SLC4A5: variants seen among roughly 807,000 people sequenced by gnomAD.
The protein encoded by SLC4A5 is electrogenic sodium bicarbonate cotransporter 4.
Under a neutral mutation model 120.4 loss-of-function variants are expected in SLC4A5, and 96 were observed. The observed-to-expected ratio is 0.80, with a 90% CI of 0.68 to 0.94. The LOEUF (loss-of-function observed/expected upper bound fraction) is 0.94. SLC4A5 is among the 40% of genes least tolerant of loss of function. The pLI, the probability that SLC4A5 is intolerant of heterozygous loss-of-function variation, is 0.00. For missense variants in SLC4A5, 1,259 were observed against 1,459.5 expected (o/e 0.86, Z 2.24); for synonymous variants, 550 against 571.1 (o/e 0.96, Z 0.53).
At chr2:74,283,403 G>C (rs1199898605) in intron 8 of SLC4A5, among the ~76,000 whole-genome samples, 1 of 152,244 alleles carries the variant, frequency 6.6e-6, no homozygotes, top group African/African-American at 2.4e-5. Context: ...ATCATAGGAA[G>C]AGATTCAATG....
At chr2:74,327,785 A>G (rs989980519) in intron 5 of SLC4A5, among the ~76,000 whole-genome samples, 3 of 152,158 alleles carry the variant, frequency 2.0e-5, no homozygotes, top group Non-Finnish European at 2.9e-5. Context: ...AAATTTACGT[A>G]CTAGAAGAGA....
intron 12 of SLC4A5, among the ~76,000 whole-genome samples, chr2:74,256,637 G>A (rs1670972923): frequency 6.6e-6 from 1 of 152,202 alleles, no homozygotes; most frequent in African/African-American, 2.4e-5. Context: ...GAGAGGTACT[G>A]GAGACAAGCC....
intron 7 of SLC4A5, among the ~76,000 whole-genome samples, chr2:74,298,277 G>A (rs994554188): frequency 1.3e-5 from 2 of 152,122 alleles, no homozygotes; most frequent in African/African-American, 4.8e-5. Flanking sequence ...ACACATACAT[G>A]GTCAACTAGT....
intron 30 of SLC4A5, 60 bp from the exon 31 acceptor site, chr2:74,218,852 A>G (rs1448008539): frequency 6.5e-6 from 1 of 152,682 alleles, no homozygotes; most frequent in African/African-American, 2.4e-5. Context: ...CCCATCCCCT[A>G]GAGCAGGGCT....
At chr2:74,252,129 G>T in intron 16 of SLC4A5, 50 bp downstream of exon 16, 13 of 1,579,492 alleles carry the variant, frequency 8.2e-6, no homozygotes, top group Admixed American at 1.7e-5. Context: ...CAGCTGAGAA[G>T]GGAGAAGTCT....
Position 74,232,666 on chromosome 2 carries a change from G to A in SLC4A5, c.2596-19C>T, listed in dbSNP as rs1326151404. The A allele has an allele frequency of 1.2e-6, 2 of 1,608,622 alleles. No individual in the cohort carries two copies. Among genetic ancestry groups the A allele is most frequent in the African/African-American group, 2.7e-5 (2 of 74,362 alleles). ...CAGCCTTCTGCAGGAGCGGGGTTGGGGGAGGGAGAAGTTTCTGGGGAGCCA... is the reference window on the plus strand; with the variant it reads ...CAGCCTTCTGCAGGAGCGGGGTTGGAGGAGGGAGAAGTTTCTGGGGAGCCA... On this transcript the variant is annotated intron_variant, in intron 23 of 30. Transcript: ENST00000394019.
At chr2:74,327,596 C>T (rs536234771) in intron 5 of SLC4A5, among the ~76,000 whole-genome samples, 2 of 152,268 alleles carry the variant, frequency 1.3e-5, no homozygotes, top group Admixed American at 6.5e-5. Context: ...GTATCCAAAA[C>T]CTAAAAACAA....
chr2:74,317,885 C>T (rs1341034486), intron 5 of SLC4A5, among the ~76,000 whole-genome samples: 5 of 152,164 alleles, frequency 3.3e-5, no homozygotes, highest in Admixed American at 2.0e-4. Flanking sequence ...CACATGGCAG[C>T]TGTTTGGCAG....
chr2:74,317,203 TG>T (rs1410525277), intron 5 of SLC4A5, among the ~76,000 whole-genome samples: 1 of 152,228 alleles, frequency 6.6e-6, no homozygotes, highest in African/African-American at 2.4e-5. Context: ...CCTTGCAGGC[TG>T]TAACCCTTTA....
At chr2:74,216,752 G>A (rs1694456602) in exon 31 of SLC4A5, 1 of 152,192 alleles carries the variant, frequency 6.6e-6, no homozygotes, top group East Asian at 1.9e-4. Context: ...GGGACTACAG[G>A]TGTGTGCCAG....
chr2:74,272,438 T>A (rs1671504366), intron 8 of SLC4A5, among the ~76,000 whole-genome samples: 1 of 152,232 alleles, frequency 6.6e-6, no homozygotes. Flanking sequence ...TCATGTGTAA[T>A]CCCAAACAAC....
intron 6 of SLC4A5, among the ~76,000 whole-genome samples, chr2:74,308,359 T>G (rs1053218900): frequency 1.3e-5 from 2 of 152,248 alleles, no homozygotes; most frequent in Non-Finnish European, 2.9e-5. Context: ...GAAGAGCATT[T>G]CCTATTGCTT....
At chr2:74,231,163 C>A in intron 25 of SLC4A5, 73 bp downstream of exon 25, 6 of 1,432,510 alleles carry the variant, frequency 4.2e-6, no homozygotes, top group African/African-American at 1.4e-5. Flanking sequence ...CATGTGGGGA[C>A]CCCCTCCCTG....
Position 74,223,035 on chromosome 2 carries a change from C to A in SLC4A5, c.3247-83G>T, listed in dbSNP as rs546940709. ...TTTTTTTTTTTTTGAGACAGAGTCT[C>A]GCTCTACTGCCCAGGCTGGAGTGCA... On this transcript the variant is annotated intron_variant, in intron 28 of 30. Coordinates refer to ENST00000394019, the Ensembl canonical transcript of SLC4A5. 34 of 896,814 alleles carry A rather than the reference C, an allele frequency of 3.8e-5. No homozygotes were observed. In the South Asian group the frequency reaches 5.8e-4, roughly 15 times the overall value. 55.6% of individuals were successfully genotyped at this position (896,814 alleles called of 1,614,324 possible).
chr2:74,248,871 C>T (rs1161091558), intron 17 of SLC4A5, among the ~76,000 whole-genome samples: 1 of 152,210 alleles, frequency 6.6e-6, no homozygotes, highest in East Asian at 1.9e-4. Context: ...TCAAAGTCCG[C>T]TGAGTGTCTG....
At chr2:74,248,289 C>T in intron 18 of SLC4A5, 64 bp downstream of exon 18, 4 of 1,589,848 alleles carry the variant, frequency 2.5e-6, no homozygotes, top group Non-Finnish European at 3.4e-6. Context: ...ATTCCCCTGC[C>T]CTAGCCCCAG....
intron 8 of SLC4A5, among the ~76,000 whole-genome samples, chr2:74,274,927 T>A (rs989083583): frequency 1.1e-4 from 16 of 152,218 alleles, no homozygotes; most frequent in African/African-American, 3.9e-4. Flanking sequence ...AGACTTAGGA[T>A]GATCTTTCAT....
intron 27 of SLC4A5, among the ~76,000 whole-genome samples, chr2:74,226,365 T>C (rs924199707): frequency 4.6e-5 from 7 of 152,226 alleles, no homozygotes; most frequent in African/African-American, 1.7e-4. Flanking sequence ...GGGGGCCAGA[T>C]GCAACATGTT....
chr2:74,268,733 A>T (rs537898165), intron 8 of SLC4A5, among the ~76,000 whole-genome samples: 1 of 152,198 alleles, frequency 6.6e-6, no homozygotes, highest in Non-Finnish European at 1.5e-5. Flanking sequence ...ACATTTCCCT[A>T]AAGTCTCCCA....
Sources: allele counts gnomAD v4.1 joint callset (sites outside exome capture counted in the v4.1 genomes callset), GRCh38; gene constraint gnomAD v4.1.1; transcripts MANE v1.5; gene names NCBI Gene and HGNC (gene_info 2026-07-23, HGNC 2026-07-21).